The following REV3L variants were observed in gnomAD, a reference collection of about 807,000 sequenced individuals.
The protein encoded by REV3L is DNA polymerase zeta catalytic subunit.
Under a neutral mutation model 299.4 loss-of-function variants are expected in REV3L, and 69 were observed. The ratio of observed to expected loss-of-function variants is 0.23; its 90% CI spans 0.19 to 0.28. The LOEUF is 0.28. Among genes scored for constraint, REV3L ranks in the 10% least tolerant of loss-of-function variants. REV3L has a pLI of 1.00. For synonymous variants in REV3L, 1,238 were observed against 1,271.4 expected (o/e 0.97, Z 0.56); for missense variants, 3,128 against 3,693.8 (o/e 0.85, Z 3.97).
chr6:111,332,451 TAAATAG>T (rs1775496993), intron 23 of REV3L, among the ~76,000 whole-genome samples: 1 of 152,178 alleles, frequency 6.6e-6, no homozygotes, highest in Non-Finnish European at 1.5e-5. Context: ...ATTTAAACCT[TAAATAG>T]AAATACTGTA....
chr6:111,463,218 T>C (rs1434801890), intron 1 of REV3L, among the ~76,000 whole-genome samples: 1 of 152,218 alleles, frequency 6.6e-6, no homozygotes, highest in Non-Finnish European at 1.5e-5. Context: ...CCTTATGCAA[T>C]TCAGTAATCA....
intron 10 of REV3L, among the ~76,000 whole-genome samples, chr6:111,381,091 G>A (rs894989820): frequency 2.6e-5 from 4 of 152,080 alleles, no homozygotes; most frequent in Non-Finnish European, 4.4e-5. Flanking sequence ...ACGGTTTTCC[G>A]TGAATCAAAG....
At chr6:111,460,763 T>C (rs1321485022) in intron 1 of REV3L, among the ~76,000 whole-genome samples, 1 of 152,120 alleles carries the variant, frequency 6.6e-6, no homozygotes, top group Non-Finnish European at 1.5e-5. Flanking sequence ...TTCTAAAAGA[T>C]AACTGTCTCT....
At chr6:111,337,827 C>A (rs1776070589) in intron 21 of REV3L, among the ~76,000 whole-genome samples, 1 of 152,126 alleles carries the variant, frequency 6.6e-6, no homozygotes, top group Non-Finnish European at 1.5e-5. Flanking sequence ...AGATCAGTCC[C>A]TTTAAAATAG....
chr6:111,369,246 C>T (rs1434491523), intron 13 of REV3L, among the ~76,000 whole-genome samples: 1 of 136,990 alleles, frequency 7.3e-6, no homozygotes, highest in African/African-American at 2.8e-5. Context: ...CACGCCACTG[C>T]ACTCCAACCT....
intron 19 of REV3L, among the ~76,000 whole-genome samples, chr6:111,350,555 G>A (rs2114940569): frequency 6.6e-6 from 1 of 150,778 alleles, no homozygotes; most frequent in East Asian, 1.9e-4. Flanking sequence ...GGAATGAAAA[G>A]CTAAACTTAA....
In REV3L at chr6:111,393,020, A is replaced by G. The variant is rs377127324; in HGVS notation, c.566-48T>C. ...AATAAATTCTACTTTCAATTTTCATATAATTACTTTTTAGAAGGTAAATTT... is the reference window on the plus strand; with the variant it reads ...AATAAATTCTACTTTCAATTTTCATGTAATTACTTTTTAGAAGGTAAATTT... On this transcript the variant is annotated intron_variant, in intron 4 of 31. Coordinates refer to ENST00000368802, the MANE Select transcript of REV3L (RefSeq NM_001372078.1). The G allele has an allele frequency of 1.4e-5, 19 of 1,345,412 alleles. No homozygotes were observed. The East Asian group carries it at 3.3e-4, about 23-fold the overall frequency. The allele number at this position is 1,345,412 out of a possible 1,614,324, so 83.3% of individuals were successfully genotyped here.
intron 1 of REV3L, among the ~76,000 whole-genome samples, chr6:111,418,890 T>C (rs537215492): frequency 1.6e-4 from 24 of 152,210 alleles, no homozygotes; most frequent in African/African-American, 5.5e-4. Context: ...ATTTATTAAA[T>C]GAATTAAAGA....
intron 9 of REV3L, among the ~76,000 whole-genome samples, chr6:111,384,625 A>G (rs926465364): frequency 6.6e-6 from 1 of 152,138 alleles, no homozygotes; most frequent in Non-Finnish European, 1.5e-5. Context: ...AGGAAAGGGA[A>G]CTCTCGTACA....
chr6:111,316,579 T>C (rs1177212119), intron 26 of REV3L, among the ~76,000 whole-genome samples: 1 of 151,250 alleles, frequency 6.6e-6, no homozygotes, highest in Non-Finnish European at 1.5e-5. Context: ...GGTGGGAGAA[T>C]CGCTTGAACC....
chr6:111,409,249 C>A (rs1294130148), intron 3 of REV3L, among the ~76,000 whole-genome samples: 1 of 152,014 alleles, frequency 6.6e-6, no homozygotes, highest in Non-Finnish European at 1.5e-5. Context: ...AATAGCCTTT[C>A]ATGTTACTTT....
chr6:111,408,683 G>A (rs1783914523), intron 3 of REV3L, among the ~76,000 whole-genome samples: 1 of 151,986 alleles, frequency 6.6e-6, no homozygotes, highest in South Asian at 2.1e-4. Flanking sequence ...AAGAGCTTTT[G>A]TTTATGTGGT....
In REV3L at chr6:111,303,686, TTTAACAGACTATGAC is replaced by T. The variant is rs1464827890; in HGVS notation, c.9253-3545_9253-3531del. Among the ~76,000 whole-genome samples, 18 of 82,970 alleles carry T rather than the reference TTTAACAGACTATGAC, an allele frequency of 2.2e-4. 2 individuals are homozygous for T. The highest frequency in any genetic ancestry group is 4.4e-4 in the Non-Finnish European group (13 of 29,700). 54.4% of individuals were successfully genotyped at this position (82,970 alleles called of 152,430 possible). A position where few individuals can be genotyped will look rare whatever the true frequency, so the allele number is the denominator to read the frequency against. On this transcript the variant is annotated intron_variant, in intron 31 of 31. Transcript: ENST00000368802. ...CCAGCCGAGGCTTTTTTTTTTTTTT[TTTAACAGACTATGAC>T]TTTTTTTTTTTTTTTTTTTTTTTTT...
intron 26 of REV3L, 172 bp from the exon 27 acceptor site, chr6:111,315,553 T>A: frequency 1.7e-6 from 1 of 587,018 alleles, no homozygotes; most frequent in South Asian, 2.1e-5. Flanking sequence ...TTACTTTCCT[T>A]ATGTACTTAT....
At chr6:111,423,889 G>A (rs561671230) in intron 1 of REV3L, among the ~76,000 whole-genome samples, 20 of 152,248 alleles carry the variant, frequency 1.3e-4, no homozygotes, top group Admixed American at 3.3e-4. Context: ...AAAGAGGGGC[G>A]GGTTGACTTC....
chr6:111,339,374 C>T lies in REV3L; in HGVS notation c.7539-3764G>A, dbSNP rs376410859. Among the ~76,000 whole-genome samples, 6 of 151,822 alleles carry T rather than the reference C, an allele frequency of 4.0e-5. No individual in the cohort carries two copies. The East Asian group carries it at 7.7e-4, about 20-fold the overall frequency. On this transcript the variant is annotated intron_variant, in intron 21 of 31. Coordinates refer to ENST00000368802, the MANE Select transcript of REV3L (RefSeq NM_001372078.1). ...GAACCTGAGATTTTGGCCAAATAAACGAAAACATGATGAAAAGAAAACAAG... is the reference window on the plus strand; with the variant it reads ...GAACCTGAGATTTTGGCCAAATAAATGAAAACATGATGAAAAGAAAACAAG...
chr6:111,426,664 C>A (rs748751574), intron 1 of REV3L, among the ~76,000 whole-genome samples: 4 of 152,226 alleles, frequency 2.6e-5, no homozygotes, highest in Non-Finnish European at 5.9e-5. Flanking sequence ...TGTCAGAAAT[C>A]TGATGAAATG....
chr6:111,359,037 T>C, intron 16 of REV3L, 23 bp from the exon 17 acceptor site: 1 of 1,574,462 alleles, frequency 6.4e-7, no homozygotes, highest in South Asian at 1.2e-5. Context: ...ATAAATACTA[T>C]GTTTTTAAAA....
At chr6:111,412,180 T>C in intron 2 of REV3L, 1 of 985,288 alleles carries the variant, frequency 1.0e-6, no homozygotes, top group Non-Finnish European at 1.2e-6. Context: ...CACAACCATA[T>C]CAAGTGCATC....
Sources: allele counts gnomAD v4.1 joint callset (sites outside exome capture counted in the v4.1 genomes callset), GRCh38; gene constraint gnomAD v4.1.1; transcripts MANE v1.5; gene names NCBI Gene and HGNC (gene_info 2026-07-23, HGNC 2026-07-21).